Variants in MAPRE2 observed in about 807,000 individuals in gnomAD.
The protein encoded by MAPRE2 is microtubule-associated protein RP/EB family member 2.
A neutral mutation model predicts 43.2 loss-of-function variants in MAPRE2; 13 were observed. That is an observed-to-expected ratio of 0.30 (90% CI 0.20 to 0.48). The LOEUF is 0.48. Ranked by LOEUF, MAPRE2 falls within the 20% of genes least tolerant of loss-of-function variation. MAPRE2 has a pLI of 0.99. For missense variants in MAPRE2, 161 were observed against 400.2 expected (o/e 0.40, Z 5.10); for synonymous variants, 135 against 148.8 (o/e 0.91, Z 0.68).
chr18:35,105,526 A>G (rs6507118), intron 4 of MAPRE2, among the ~76,000 whole-genome samples: 20,596 of 152,030 alleles, frequency 0.14, 1,685 homozygotes, highest in East Asian at 0.22. Flanking sequence ...ATATCCAGTT[A>G]TTGGGAATAC....
intron 2 of MAPRE2, among the ~76,000 whole-genome samples, chr18:35,090,534 C>A (rs556757266): frequency 1.3e-5 from 2 of 152,104 alleles, no homozygotes; most frequent in South Asian, 4.2e-4. Context: ...GAGTTTGAGA[C>A]CAGCCTGGCC....
chr18:35,124,825 C>T (rs1185692578), intron 4 of MAPRE2, among the ~76,000 whole-genome samples: 1 of 152,162 alleles, frequency 6.6e-6, no homozygotes, highest in Non-Finnish European at 1.5e-5. Flanking sequence ...GCCTCCCCTG[C>T]CTGCTTGTCT....
chr18:35,055,698 A>G (rs1906193914), intron 1 of MAPRE2, among the ~76,000 whole-genome samples: 2 of 152,262 alleles, frequency 1.3e-5, no homozygotes, highest in South Asian at 4.1e-4. Context: ...CACGCCTGTA[A>G]TCCTAGCCCT....
At chr18:35,098,980 C>T (rs980755594) in intron 3 of MAPRE2, among the ~76,000 whole-genome samples, 1 of 152,184 alleles carries the variant, frequency 6.6e-6, no homozygotes, top group African/African-American at 2.4e-5. Context: ...ATTAAGTACC[C>T]TCATTCATGT....
In MAPRE2 at chr18:35,069,092, G is replaced by A. The variant is rs1042585241; in HGVS notation, c.123-1103G>A. ...AGTCTGTAGGGATGCAGAGGACAGC[G>A]GAACATGTTAAACCACAGCAGTGTG... On this transcript the variant is annotated intron_variant, in intron 1 of 6. Coordinates refer to ENST00000300249, the MANE Select transcript of MAPRE2 (RefSeq NM_014268.4). Among the ~76,000 whole-genome samples, 7 of 152,114 alleles carry A rather than the reference G, an allele frequency of 4.6e-5. No homozygotes were observed. The South Asian group carries it at 8.3e-4, about 18-fold the overall frequency.
intron 1 of MAPRE2, among the ~76,000 whole-genome samples, chr18:35,044,990 A>T (rs1392512899): frequency 6.6e-6 from 1 of 152,210 alleles, no homozygotes; most frequent in African/African-American, 2.4e-5. Flanking sequence ...TTGATTAGAA[A>T]AGCAAGCTTC....
At chr18:35,126,378 C>A (rs928319992) in intron 4 of MAPRE2, among the ~76,000 whole-genome samples, 1 of 152,164 alleles carries the variant, frequency 6.6e-6, no homozygotes, top group African/African-American at 2.4e-5. Context: ...CTAGAATCAG[C>A]CATTTCTCAA....
At chr18:35,137,944 G>C (rs924144739) in intron 6 of MAPRE2, among the ~76,000 whole-genome samples, 6 of 152,228 alleles carry the variant, frequency 3.9e-5, no homozygotes, top group Admixed American at 6.5e-5. Flanking sequence ...AAACTCCCAT[G>C]AATGTTAGTT....
chr18:35,073,973 C>T (rs1907224967), intron 2 of MAPRE2, among the ~76,000 whole-genome samples: 3 of 152,142 alleles, frequency 2.0e-5, no homozygotes, highest in African/African-American at 7.2e-5. Flanking sequence ...TGAAAATTTT[C>T]TTTGAACATT....
intron 2 of MAPRE2, among the ~76,000 whole-genome samples, chr18:35,032,079 C>A (rs376693730): frequency 2.6e-5 from 4 of 152,168 alleles, no homozygotes; most frequent in African/African-American, 9.7e-5. Context: ...TACTTTTTCA[C>A]TGCTATCATT....
At chr18:35,060,841 G>C (rs7242309) in intron 1 of MAPRE2, among the ~76,000 whole-genome samples, 51,714 of 152,088 alleles carry the variant, frequency 0.34, 10,026 homozygotes, top group Non-Finnish European at 0.45. Context: ...TGTTAAAAAT[G>C]GAGTTGATTT....
intron 4 of MAPRE2, among the ~76,000 whole-genome samples, chr18:35,111,642 T>A (rs1188369518): frequency 1.3e-5 from 2 of 152,184 alleles, no homozygotes; most frequent in Non-Finnish European, 2.9e-5. Flanking sequence ...TTCAAGGGGA[T>A]CTTCAAGGGG....
chr18:35,131,804 A>C, intron 5 of MAPRE2: 1 of 521,564 alleles, frequency 1.9e-6, no homozygotes, highest in Admixed American at 3.3e-5. Context: ...CTGGTTAATA[A>C]ACGCTCAGTT....
At chr18:35,018,466 T>C (rs114843407) in intron 2 of MAPRE2, among the ~76,000 whole-genome samples, 1,940 of 89,198 alleles carry the variant, frequency 0.022, 37 homozygotes, top group African/African-American at 0.057. Context: ...GGTGTTGTTT[T>C]GGTCTTTTTT....
chr18:35,099,473 G>T (rs922850849), intron 3 of MAPRE2, among the ~76,000 whole-genome samples: 1 of 152,092 alleles, frequency 6.6e-6, no homozygotes, highest in African/African-American at 2.4e-5. Context: ...TTAATTGCCA[G>T]GTGCAGTGGC....
At chr18:35,040,332 T>G (rs749389824), upstream of MAPRE2, among the ~76,000 whole-genome samples, 5 of 152,246 alleles carry the variant, frequency 3.3e-5, no homozygotes, top group Non-Finnish European at 5.9e-5. Flanking sequence ...AGTTATCTTT[T>G]CACAACAGTC....
chr18:35,040,230 C>T (rs117437103), upstream of MAPRE2, among the ~76,000 whole-genome samples: 4,844 of 152,244 alleles, frequency 0.032, 105 homozygotes, highest in Non-Finnish European at 0.045. Flanking sequence ...AAAAAAATCT[C>T]TCCTCTCTGG....
At chr18:35,018,497 T>G (rs1038079800) in intron 2 of MAPRE2, among the ~76,000 whole-genome samples, 2 of 151,660 alleles carry the variant, frequency 1.3e-5, no homozygotes, top group African/African-American at 2.4e-5. Flanking sequence ...CTGATTCAAT[T>G]TTGGAACTTG....
intron 2 of MAPRE2, among the ~76,000 whole-genome samples, chr18:35,019,180 C>T (rs749408496): frequency 2.3e-4 from 35 of 151,934 alleles, no homozygotes; most frequent in Non-Finnish European, 4.1e-4. Context: ...TATTCCACTG[C>T]GGTCCAACAG....
Sources: gnomAD v4.1 joint callset for allele counts (sites outside exome capture counted in the v4.1 genomes callset) on GRCh38, gnomAD v4.1.1 for gene constraint, MANE v1.5 for transcripts, NCBI Gene and HGNC (gene_info 2026-07-23, HGNC 2026-07-21) for gene names.